Variants in KIF6 observed in about 807,000 individuals in gnomAD.
KIF6 encodes kinesin-like protein KIF6.
Under a neutral mutation model 112.7 loss-of-function variants are expected in KIF6, and 106 were observed. The ratio of observed to expected loss-of-function variants is 0.94; its 90% CI spans 0.80 to 1.11. The LOEUF is 1.11. Among genes scored for constraint, KIF6 ranks in the 50% least tolerant of loss-of-function variants. KIF6 has a pLI of 0.00. For missense variants in KIF6, 929 were observed against 964.0 expected, an observed-to-expected ratio of 0.96 and a Z score of 0.48; for synonymous variants, 339 against 339.9, an observed-to-expected ratio of 1.00 and a Z score of 0.03.
At chr6:39,478,718 T>G (rs888857975) in intron 13 of KIF6, among the ~76,000 whole-genome samples, 1 of 150,682 alleles carries the variant, frequency 6.6e-6, no homozygotes, top group African/African-American at 2.4e-5. Flanking sequence ...TTTTTTTTTT[T>G]TGGTGGTAGA....
intron 22 of KIF6, among the ~76,000 whole-genome samples, chr6:39,337,212 T>A (rs1230214061): frequency 9.1e-6 from 1 of 109,586 alleles, no homozygotes; most frequent in Non-Finnish European, 1.6e-5. Flanking sequence ...TCTTTCTTTC[T>A]TTCTTTCTTT....
chr6:39,432,473 G>A (rs1242362186), intron 13 of KIF6, among the ~76,000 whole-genome samples: 1 of 152,178 alleles, frequency 6.6e-6, no homozygotes, highest in Non-Finnish European at 1.5e-5. Context: ...TGAGTAACTG[G>A]ACTAGCCCAT....
chr6:39,668,932 C>T (rs755704844), intron 3 of KIF6, among the ~76,000 whole-genome samples: 6 of 152,036 alleles, frequency 3.9e-5, no homozygotes, highest in Middle Eastern at 3.4e-3. Context: ...AACATTTATT[C>T]GGATGACTAG....
At chr6:39,355,783 C>CTT (rs35824483) in intron 19 of KIF6, among the ~76,000 whole-genome samples, 8 of 145,122 alleles carry the variant, frequency 5.5e-5, no homozygotes, top group African/African-American at 1.5e-4. Flanking sequence ...TTTAAGAATA[C>CTT]TTTTTTTTTT....
chr6:39,659,335 T>G (rs1785989727), intron 3 of KIF6, among the ~76,000 whole-genome samples: 1 of 152,228 alleles, frequency 6.6e-6, no homozygotes, highest in African/African-American at 2.4e-5. Context: ...TTAATCTGAT[T>G]TTCTTTCTTT....
In KIF6 at chr6:39,573,825, G is replaced by A. The variant is rs372669771; in HGVS notation, c.1181+4231C>T. ...ATATCACATCATTACTTGTGCTCAT[G>A]TCTGTCACCACCACTAAATTATGAG... On this transcript the variant is annotated intron_variant, in intron 10 of 22. Transcript: ENST00000287152. Among the ~76,000 whole-genome samples the A allele has an allele frequency of 1.8e-4, 28 of 152,302 alleles. 1 individual carries two copies. The highest frequency in any genetic ancestry group is 6.5e-4 in the African/African-American group (27 of 41,578).
chr6:39,562,201 G>A (rs1200093307), intron 10 of KIF6, among the ~76,000 whole-genome samples: 1 of 152,144 alleles, frequency 6.6e-6, no homozygotes, highest in East Asian at 1.9e-4. Context: ...TACATAAACT[G>A]TCTGATATTA....
chr6:39,658,366 G>A (rs1031726187), intron 3 of KIF6, among the ~76,000 whole-genome samples: 3 of 151,878 alleles, frequency 2.0e-5, no homozygotes, highest in Non-Finnish European at 2.9e-5. Context: ...ATGCATTTTC[G>A]GACACTTTTA....
chr6:39,488,018 C>CTATCTAATT (rs1433655798), intron 13 of KIF6, among the ~76,000 whole-genome samples: 9 of 38,518 alleles, frequency 2.3e-4, no homozygotes, highest in Non-Finnish European at 3.9e-4. Flanking sequence ...TCTATCTAAT[C>CTATCTAATT]ATCCATCCAC....
intron 3 of KIF6, among the ~76,000 whole-genome samples, chr6:39,676,495 C>G (rs1226717533): frequency 6.6e-6 from 1 of 152,084 alleles, no homozygotes; most frequent in East Asian, 1.9e-4. Flanking sequence ...GAAGTGAAAA[C>G]AGGCAACACT....
intron 13 of KIF6, among the ~76,000 whole-genome samples, chr6:39,485,674 T>C (rs1775069712): frequency 6.6e-6 from 1 of 152,150 alleles, no homozygotes; most frequent in Non-Finnish European, 1.5e-5. Context: ...AGAGCCACTG[T>C]CACGAAAGGA....
At chr6:39,533,781 C>A (rs185555223) in intron 13 of KIF6, among the ~76,000 whole-genome samples, 3 of 152,206 alleles carry the variant, frequency 2.0e-5, no homozygotes, top group Non-Finnish European at 2.9e-5. Flanking sequence ...TGACCCCTGA[C>A]TCCCGAGCAG....
chr6:39,590,400 T>G (rs1391960052), intron 7 of KIF6, among the ~76,000 whole-genome samples: 1 of 146,740 alleles, frequency 6.8e-6, no homozygotes, highest in Admixed American at 7.0e-5. Context: ...TTCTTGATGA[T>G]ATATATATAT....
chr6:39,666,064 T>G (rs192432515), intron 3 of KIF6, among the ~76,000 whole-genome samples: 391 of 152,346 alleles, frequency 2.6e-3, no homozygotes, highest in Non-Finnish European at 4.4e-3. Context: ...ATCTGGAATG[T>G]CATCAGCTGG....
intron 10 of KIF6, among the ~76,000 whole-genome samples, chr6:39,558,249 T>C (rs1211806013): frequency 6.6e-6 from 1 of 152,160 alleles, no homozygotes; most frequent in Non-Finnish European, 1.5e-5. Flanking sequence ...TGATATGATC[T>C]AATTACTTAT....
Position 39,626,288 on chromosome 6 carries a change from T to C in KIF6, c.509+8561A>G, listed in dbSNP as rs150621223. Among the ~76,000 whole-genome samples the C allele has an allele frequency of 2.0e-5, 3 of 152,050 alleles. No homozygotes were observed. The East Asian group carries it at 5.8e-4, about 29-fold the overall frequency. ...TTTACTTTCAGACCTTTGCAGAGAG[T>C]CTGACATGCACCAGATGGGGCTGAA... On this transcript the variant is annotated intron_variant, in intron 5 of 22. Transcript: ENST00000287152.
At chr6:39,707,752 T>C (rs1304229659) in intron 3 of KIF6, among the ~76,000 whole-genome samples, 2 of 152,244 alleles carry the variant, frequency 1.3e-5, no homozygotes, top group Non-Finnish European at 2.9e-5. Flanking sequence ...ATCCCTTACA[T>C]TGAATAGGGC....
In KIF6 at chr6:39,428,249, A is replaced by G. The variant is rs548456397; in HGVS notation, c.1754+2804T>C. Reference sequence around the variant, plus strand: ...AGCTCTGTTGGTTGTTTTAATATGAAGCCAGTTACGAGTCCCTGGTGTAAG... The same window carrying G: ...AGCTCTGTTGGTTGTTTTAATATGAGGCCAGTTACGAGTCCCTGGTGTAAG... On this transcript the variant is annotated intron_variant, in intron 14 of 22. Transcript: ENST00000287152. Among the ~76,000 whole-genome samples, 7 of 152,324 alleles carry G rather than the reference A, an allele frequency of 4.6e-5. No homozygotes were observed. In the East Asian group the frequency reaches 7.7e-4, roughly 17 times the overall value.
intron 13 of KIF6, among the ~76,000 whole-genome samples, chr6:39,519,646 C>T (rs1166013531): frequency 5.9e-5 from 9 of 151,694 alleles, no homozygotes. Context: ...TAGAAACCTG[C>T]CATGTCTGGT....
Sources: gnomAD v4.1 joint callset for allele counts (sites outside exome capture counted in the v4.1 genomes callset) on GRCh38, gnomAD v4.1.1 for gene constraint, MANE v1.5 for transcripts, NCBI Gene and HGNC (gene_info 2026-07-23, HGNC 2026-07-21) for gene names.